The following RFX3 variants were observed in gnomAD, a reference collection of about 807,000 sequenced individuals.
RFX3 encodes the protein transcription factor RFX3.
A neutral mutation model predicts 98.6 loss-of-function variants in RFX3; 14 were observed. The ratio of observed to expected loss-of-function variants is 0.14; its 90% CI spans 0.09 to 0.22. The LOEUF is 0.22. Among genes scored for constraint, RFX3 ranks in the 10% least tolerant of loss-of-function variants. The probability of loss-of-function intolerance (pLI) is 1.00; values close to 1 mark genes in which losing one functional copy is unlikely to be tolerated. For missense variants in RFX3, 639 were observed against 926.9 expected, an observed-to-expected ratio of 0.69 and a Z score of 4.03; for synonymous variants, 383 against 328.4, an observed-to-expected ratio of 1.17 and a Z score of -1.80.
intron 2 of RFX3, among the ~76,000 whole-genome samples, chr9:3,377,204 T>C (rs1373617188): frequency 2.0e-5 from 3 of 152,170 alleles, no homozygotes; most frequent in African/African-American, 7.2e-5. Context: ...CAAATGTCCA[T>C]CAGTGATAGA....
intron 2 of RFX3, among the ~76,000 whole-genome samples, chr9:3,371,369 G>C (rs1837825879): frequency 6.6e-6 from 1 of 152,102 alleles, no homozygotes; most frequent in Non-Finnish European, 1.5e-5. Flanking sequence ...CTTTATATTA[G>C]AGCAAAGTAC....
At chr9:3,395,428 T>A in intron 2 of RFX3, 44 bp downstream of exon 2, 1 of 1,601,878 alleles carries the variant, frequency 6.2e-7, no homozygotes, top group Non-Finnish European at 8.5e-7. Flanking sequence ...ACAGCCAACA[T>A]AATGAAAGTA....
intron 1 of RFX3, among the ~76,000 whole-genome samples, chr9:3,501,621 A>G (rs1031333618): frequency 1.4e-5 from 2 of 147,902 alleles, no homozygotes; most frequent in African/African-American, 5.0e-5. Flanking sequence ...CAGTGGTGCA[A>G]TGTCAGCTCA....
chr9:3,513,694 T>G (rs1817863107), intron 1 of RFX3, among the ~76,000 whole-genome samples: 1 of 152,188 alleles, frequency 6.6e-6, no homozygotes, highest in Admixed American at 6.5e-5. Context: ...AATTACCTCC[T>G]CTCACAAATT....
intron 1 of RFX3, among the ~76,000 whole-genome samples, chr9:3,397,142 CA>C (rs1186612164): frequency 6.6e-6 from 1 of 152,160 alleles, no homozygotes; most frequent in African/African-American, 2.4e-5. Context: ...CCACGTTTCT[CA>C]GTTTTGCCTG....
At chr9:3,320,938 G>C (rs758130468) in intron 4 of RFX3, among the ~76,000 whole-genome samples, 20 of 151,840 alleles carry the variant, frequency 1.3e-4, no homozygotes, top group Non-Finnish European at 2.4e-4. Flanking sequence ...CAGAGTCTCT[G>C]TTGCCTAGGC....
intron 2 of RFX3, among the ~76,000 whole-genome samples, chr9:3,355,240 G>C (rs1835610042): frequency 6.6e-6 from 1 of 151,764 alleles, no homozygotes; most frequent in African/African-American, 2.4e-5. Flanking sequence ...TAATTACCTG[G>C]AATCTACAAG....
chr9:3,309,924 C>T (rs1829766528), intron 4 of RFX3, among the ~76,000 whole-genome samples: 1 of 152,094 alleles, frequency 6.6e-6, no homozygotes, highest in Non-Finnish European at 1.5e-5. Flanking sequence ...GATCCCAGAC[C>T]TGGAAAGACT....
At chr9:3,420,864 T>C in intron 1 of RFX3, 1 of 984,998 alleles carries the variant, frequency 1.0e-6, no homozygotes, top group Non-Finnish European at 1.2e-6. Flanking sequence ...ATCCCTTAGA[T>C]CCTGATCTGC....
chr9:3,523,669 T>A (rs984575218), intron 1 of RFX3, among the ~76,000 whole-genome samples: 2 of 152,144 alleles, frequency 1.3e-5, no homozygotes, highest in Non-Finnish European at 2.9e-5. Flanking sequence ...TCTGAAACTG[T>A]CCCAAGACAG....
chr9:3,380,657 T>G (rs1839085987), intron 2 of RFX3, among the ~76,000 whole-genome samples: 1 of 152,200 alleles, frequency 6.6e-6, no homozygotes, highest in Non-Finnish European at 1.5e-5. Context: ...GCAATATTAT[T>G]ACTGCTTCAT....
At position 3,504,241 on chromosome 9, in the gene RFX3, A is replaced by G. The variant is rs910275848; in HGVS notation, c.-9+21506T>C. 6.6e-4 allele frequency among the ~76,000 whole-genome samples: 88 copies of G among 133,258 alleles called. 1 individual carries two copies. Among genetic ancestry groups the G allele is most frequent in the Admixed American group, 1.2e-3 (14 of 11,682 alleles). 87.4% of individuals were successfully genotyped at this position (133,258 alleles called of 152,430 possible). A position where few individuals can be genotyped will look rare whatever the true frequency, so the allele number is the denominator to read the frequency against. ...TACTATATTATATACTATATATTAT[A>G]TATATATTTTATATATAATATATAC... On this transcript the variant is annotated intron_variant, in intron 1 of 16. Transcript: ENST00000617270.
At chr9:3,455,058 T>G (rs1158465878) in intron 1 of RFX3, among the ~76,000 whole-genome samples, 3 of 152,170 alleles carry the variant, frequency 2.0e-5, no homozygotes, top group Non-Finnish European at 4.4e-5. Flanking sequence ...CTTCCTTAGG[T>G]GTTTTACCAA....
chr9:3,460,425 T>C (rs959704413), intron 1 of RFX3, among the ~76,000 whole-genome samples: 1 of 152,000 alleles, frequency 6.6e-6, no homozygotes, highest in African/African-American at 2.4e-5. Context: ...ACATAATAGA[T>C]TTAATATTAT....
intron 1 of RFX3, among the ~76,000 whole-genome samples, chr9:3,506,231 T>A (rs1177684815): frequency 1.3e-5 from 2 of 151,554 alleles, no homozygotes; most frequent in African/African-American, 4.8e-5. Flanking sequence ...AAAAAAAGGT[T>A]TTTCAGGGTA....
chr9:3,255,963 A>C (rs955165115), intron 14 of RFX3, among the ~76,000 whole-genome samples: 3 of 151,650 alleles, frequency 2.0e-5, no homozygotes, highest in East Asian at 1.9e-4. Flanking sequence ...CCTAATCATT[A>C]TCTCTCTCTT....
intron 1 of RFX3, among the ~76,000 whole-genome samples, chr9:3,410,209 G>GTGTGTGTGTGTGTGTGTGTGTGTGTGT (rs55715321): frequency 6.7e-6 from 1 of 148,628 alleles, no homozygotes; most frequent in Non-Finnish European, 1.5e-5. Flanking sequence ...GTGTGTGTGT[G>GTGTGTGTGTGTGTGTGTGTGTGTGTGT]GCGCTATCAA....
At chr9:3,392,930 A>C (rs1006342741) in intron 2 of RFX3, among the ~76,000 whole-genome samples, 2 of 152,052 alleles carry the variant, frequency 1.3e-5, no homozygotes, top group African/African-American at 4.8e-5. Context: ...ATAAGCACTG[A>C]ATTTACTGAA....
intron 1 of RFX3, among the ~76,000 whole-genome samples, chr9:3,462,350 C>G (rs1014570207): frequency 1.3e-5 from 2 of 151,992 alleles, no homozygotes; most frequent in Admixed American, 1.3e-4. Flanking sequence ...ATTTAACATT[C>G]ACTCATAAAT....
Sources: allele counts gnomAD v4.1 joint callset (sites outside exome capture counted in the v4.1 genomes callset), GRCh38; gene constraint gnomAD v4.1.1; transcripts MANE v1.5; gene names NCBI Gene and HGNC (gene_info 2026-07-23, HGNC 2026-07-21).